PYM1: variants seen among roughly 807,000 people sequenced by gnomAD.
PYM1 encodes PYM1 exon junction complex associated factor.
Under a neutral mutation model 20.7 loss-of-function variants are expected in PYM1, and 7 were observed. The observed-to-expected ratio is 0.34, with a 90% confidence interval of 0.19 to 0.64. The LOEUF (loss-of-function observed/expected upper bound fraction) is 0.64. PYM1 is among the 30% of genes least tolerant of loss of function. PYM1 has a pLI of 0.74. For synonymous variants in PYM1, 100 were observed against 99.2 expected (o/e 1.01, Z -0.05); for missense variants, 194 against 250.0 (o/e 0.78, Z 1.51).
intron 1 of PYM1, 121 bp downstream of exon 1, chr12:55,927,604 A>G (rs1267438002): frequency 7.6e-7 from 1 of 1,322,848 alleles, no homozygotes; most frequent in African/African-American, 1.5e-5. Flanking sequence ...TGGAGACCCT[A>G]TCTAACCCTA....
chr12:55,923,577 A>C (rs972887146), intron 1 of PYM1, among the ~76,000 whole-genome samples: 1 of 151,866 alleles, frequency 6.6e-6, no homozygotes, highest in African/African-American at 2.4e-5. Context: ...AAAAAAAAAA[A>C]ACAAAACTAA....
At position 55,901,528 on chromosome 12, in the gene PYM1, C is replaced by G. The variant is rs1415786332; in HGVS notation, c.*344G>C. 1.8e-5 allele frequency: 4 copies of G among 217,254 alleles called. No homozygotes were observed. Among genetic ancestry groups the G allele is most frequent in the Admixed American group, 5.1e-5 (1 of 19,544 alleles). 13.5% of individuals were successfully genotyped at this position (217,254 alleles called of 1,614,324 possible). Reference sequence around the variant, plus strand: ...GCGAACAGGAACCAAGACTCCAAGACTTGGGCATACTCCCTCTACCCTCAG... The same window carrying G: ...GCGAACAGGAACCAAGACTCCAAGAGTTGGGCATACTCCCTCTACCCTCAG... On this transcript the variant is annotated 3_prime_UTR_variant, in exon 3 of 3. Transcript: ENST00000408946.
rs144791994 is a variant in PYM1, at chr12:55,915,883, A to G, written c.37+11842T>C. ...AGAGGAACAACAAAAGCAAAATCCT[A>G]GCAGTGGAAAACTCAGTATTTAAGA... is the stretch of plus-strand genomic sequence containing the variant. On this transcript the variant is annotated intron_variant, in intron 1 of 2. Transcript: ENST00000408946. 6.5e-4 allele frequency among the ~76,000 whole-genome samples: 99 copies of G among 152,380 alleles called. 1 individual carries two copies. The highest frequency in any genetic ancestry group is 1.0e-4 in the Non-Finnish European group (7 of 68,040).
chr12:55,925,844 T>C (rs898984777), intron 1 of PYM1, among the ~76,000 whole-genome samples: 7 of 152,180 alleles, frequency 4.6e-5, no homozygotes, highest in African/African-American at 1.7e-4. Flanking sequence ...AAGAGAAGTA[T>C]ACTGGATAAG....
chr12:55,916,549 G>A (rs937924015), intron 1 of PYM1, among the ~76,000 whole-genome samples: 1 of 151,938 alleles, frequency 6.6e-6, no homozygotes, highest in Non-Finnish European at 1.5e-5. Flanking sequence ...TGTAATCCCA[G>A]TACTTTGGGA....
At chr12:55,921,313 A>G (rs2136268903) in intron 1 of PYM1, among the ~76,000 whole-genome samples, 1 of 152,322 alleles carries the variant, frequency 6.6e-6, no homozygotes, top group Middle Eastern at 3.4e-3. Flanking sequence ...TACGCATAAT[A>G]ATCCTGTGTT....
chr12:55,908,133 C>T (rs2136260024), intron 1 of PYM1, among the ~76,000 whole-genome samples: 1 of 151,904 alleles, frequency 6.6e-6, no homozygotes, highest in Admixed American at 6.6e-5. Context: ...ATCCCAGCTA[C>T]TTGGGAGGGT....
At chr12:55,917,401 C>T (rs1883026346) in intron 1 of PYM1, among the ~76,000 whole-genome samples, 1 of 151,652 alleles carries the variant, frequency 6.6e-6, no homozygotes, top group Non-Finnish European at 1.5e-5. Context: ...GCCTGGGCAA[C>T]AAGAGCAAGA....
In PYM1 at chr12:55,908,611, C is replaced by T. The variant is rs181936296; in HGVS notation, c.38-5131G>A. Among the ~76,000 whole-genome samples the T allele has an allele frequency of 2.4e-4, 36 of 151,982 alleles. No individual in the cohort carries two copies. The South Asian group carries it at 4.6e-3, about 19-fold the overall frequency. ...CCACTCCTGTACTCCTACCACTTTG[C>T]GAGGCCGAGGCAGGCAGATCACCTG... On this transcript the variant is annotated intron_variant, in intron 1 of 2. Coordinates refer to ENST00000408946, the MANE Select transcript of PYM1 (RefSeq NM_032345.3).
rs1210028659 is a variant in PYM1, at chr12:55,905,770, TTA to T, written c.38-2292_38-2291del. Among the ~76,000 whole-genome samples the T allele has an allele frequency of 2.0e-3, 272 of 134,764 alleles. 3 individuals carry two copies. Among genetic ancestry groups the T allele is most frequent in the African/African-American group, 6.2e-3 (229 of 36,726 alleles). 88.4% of individuals were successfully genotyped at this position (134,764 alleles called of 152,430 possible). ...AGAATTTTGGAAAATTTATTTTATA[TTA>T]TATATATATTATTATTATTATATAA... is the stretch of plus-strand genomic sequence containing the variant. On this transcript the variant is annotated intron_variant, in intron 1 of 2. Transcript: ENST00000408946.
intron 1 of PYM1, among the ~76,000 whole-genome samples, chr12:55,925,073 T>C (rs1039641150): frequency 1.3e-5 from 2 of 152,228 alleles, no homozygotes; most frequent in Non-Finnish European, 2.9e-5. Context: ...CTGTACTTTT[T>C]CTCTAGCAAC....
rs1195816520 is a variant in PYM1 at position 55,927,257 on chromosome 12, G to A, written c.37+468C>T. 5.2e-6 allele frequency: 6 copies of A among 1,144,220 alleles called. No homozygotes were observed. The East Asian group carries it at 1.3e-4, about 24-fold the overall frequency. The allele number at this position is 1,144,220 out of a possible 1,614,324, so 70.9% of individuals were successfully genotyped here. A position where few individuals can be genotyped will look rare whatever the true frequency, so the allele number is the denominator to read the frequency against. On this transcript the variant is annotated intron_variant, in intron 1 of 2. Transcript: ENST00000408946. Reference sequence around the variant, plus strand: ...ATGGGCGGAGGTGGAGGAGGAGGAAGAGTGGAGAAGCTGAAATAGTTAATA... The same window carrying A: ...ATGGGCGGAGGTGGAGGAGGAGGAAAAGTGGAGAAGCTGAAATAGTTAATA...
intron 1 of PYM1, among the ~76,000 whole-genome samples, chr12:55,905,724 G>GTA (rs58962927): frequency 0.91 from 116,052 of 126,892 alleles, 53,551 homozygotes; most frequent in East Asian, 0.99. Context: ...ATATATATAT[G>GTA]TATATATATA....
At chr12:55,920,306 C>G (rs1194941359) in intron 1 of PYM1, among the ~76,000 whole-genome samples, 1 of 151,818 alleles carries the variant, frequency 6.6e-6, no homozygotes, top group Non-Finnish European at 1.5e-5. Context: ...AGTTGGAGAC[C>G]TGCCTGGGAA....
rs543200015 is a variant in PYM1 at position 55,915,639 on chromosome 12, A to G, written c.37+12086T>C. Among the ~76,000 whole-genome samples, 255 of 152,188 alleles carry G rather than the reference A, an allele frequency of 1.7e-3. 3 individuals carry two copies. Among genetic ancestry groups the G allele is most frequent in the African/African-American group, 6.0e-3 (250 of 41,556 alleles). ...TTATCAAGATGAGTAAGATGGTCCC[A>G]ATTTTCAAAAAATTTACAGACTAAG... On this transcript the variant is annotated intron_variant, in intron 1 of 2. Coordinates refer to ENST00000408946, the MANE Select transcript of PYM1 (RefSeq NM_032345.3).
At chr12:55,916,195 C>T (rs1290874455) in intron 1 of PYM1, among the ~76,000 whole-genome samples, 2 of 151,876 alleles carry the variant, frequency 1.3e-5, no homozygotes, top group East Asian at 2.0e-4. Context: ...ATTAGCCAGA[C>T]GTGCTGGCAC....
chr12:55,921,470 C>A (rs1883096517), intron 1 of PYM1, among the ~76,000 whole-genome samples: 1 of 150,744 alleles, frequency 6.6e-6, no homozygotes, highest in Non-Finnish European at 1.5e-5. Context: ...ATGAGGAGGG[C>A]AAGAGAGAAG....
rs1883128843 is a variant in PYM1 at position 55,923,133 on chromosome 12, A to G, written c.37+4592T>C. On this transcript the variant is annotated intron_variant, in intron 1 of 2. Transcript: ENST00000408946. ...CAGCTACCCAGGAGGCTGAGGCAGGAGAATCACTTGAACCCGGGAGGCAGA... is the reference window on the plus strand; with the variant it reads ...CAGCTACCCAGGAGGCTGAGGCAGGGGAATCACTTGAACCCGGGAGGCAGA... Among the ~76,000 whole-genome samples the G allele has an allele frequency of 2.0e-5, 3 of 152,296 alleles. No individual in the cohort carries two copies. In the South Asian group the frequency reaches 6.2e-4, roughly 32 times the overall value.
intron 1 of PYM1, among the ~76,000 whole-genome samples, chr12:55,918,744 T>G (rs1174385194): frequency 1.3e-5 from 2 of 152,166 alleles, no homozygotes; most frequent in East Asian, 3.9e-4. Context: ...GGCACGTGCC[T>G]GTAGTCCCAG....
Sources: gnomAD v4.1 joint callset for allele counts (sites outside exome capture counted in the v4.1 genomes callset) on GRCh38, gnomAD v4.1.1 for gene constraint, MANE v1.5 for transcripts, NCBI Gene and HGNC (gene_info 2026-07-23, HGNC 2026-07-21) for gene names.